Variants in FUT4 observed in about 807,000 individuals in gnomAD.
The protein encoded by FUT4 is fucosyltransferase 4.
Under a neutral mutation model 3.8 loss-of-function variants are expected in FUT4, and 1 was observed. The observed-to-expected ratio is 0.26, with a 90% CI of 0.09 to 1.25. The LOEUF is 1.25. FUT4 is among the 50% of genes most tolerant of loss of function. FUT4 has a pLI of 0.47. For missense variants in FUT4, 880 were observed against 768.2 expected, an observed-to-expected ratio of 1.15 and a Z score of -1.72; for synonymous variants, 417 against 355.3, an observed-to-expected ratio of 1.17 and a Z score of -1.95.
At position 94,547,831 on chromosome 11, in the gene FUT4, A is replaced by G. The variant is rs1057092649; in HGVS notation, c.*2105A>G. On this transcript the variant is annotated 3_prime_UTR_variant, in exon 1 of 1. Coordinates refer to ENST00000358752, the MANE Select transcript of FUT4 (RefSeq NM_002033.4). ...TAAATTAGTAGTAGTCCTGAGCCTC[A>G]GCGTCCTCATCTATAAAATGACTGG... The G allele has an allele frequency of 4.2e-5, 7 of 167,068 alleles. No homozygotes were observed. The highest frequency in any genetic ancestry group is 1.7e-4 in the African/African-American group (7 of 41,464). The allele number at this position is 167,068 out of a possible 1,614,324, so 10.3% of individuals were successfully genotyped here. A position where few individuals can be genotyped will look rare whatever the true frequency, so the allele number is the denominator to read the frequency against.
In FUT4 at chr11:94,544,360, C is replaced by T. The variant is rs779655995; in HGVS notation, c.227C>T (p.Pro76Leu). 21 of 1,546,348 alleles carry T rather than the reference C, an allele frequency of 1.4e-5. No homozygotes were observed. In the Admixed American group the frequency reaches 1.5e-4, roughly 11 times the overall value. The part of the protein sequence containing the change: ...HLGGAGQGPR[P>L]LHSGTAPFHS... Reference sequence around the variant, plus strand: ...GGAGGAGCAGGGCAGGGCCCGCGGCCTTTGCATTCTGGGACCGCCCCCTTC... The same window carrying T: ...GGAGGAGCAGGGCAGGGCCCGCGGCTTTTGCATTCTGGGACCGCCCCCTTC... The change falls in exon 1 of 1, where the codon CCT becomes CTT. Residue 76 changes from proline (P) to leucine (L), a missense_variant. Physicochemically the swap from Pro to Leu is moderately conservative, Grantham distance 98. Around this residue, in one of 3 missense-constraint regions of FUT4, gnomAD observed 447 missense variants for 339.5 expected, o/e 1.32. Transcript: ENST00000358752.
rs1565258752 is a variant in FUT4 at position 94,544,712 on chromosome 11, G to A, written c.579G>A (p.Leu193=). 6.4e-7 allele frequency: 1 copy of A among 1,561,848 alleles called. No individual in the cohort carries two copies. The highest frequency in any genetic ancestry group is 2.3e-5 in the East Asian group (1 of 42,974). ...CGTCGCGACCGGTGGGCGTGCTGCT[G>A]TGGTGGGAGCCCTTCGGGGGGCGCG... ...PTPSRPVGVL[L]WWEPFGGRDS... The change falls in exon 1 of 1, where the codon CTG becomes CTA. Residue 193 remains leucine (L), a synonymous_variant. Transcript: ENST00000358752.
Position 94,544,695 on chromosome 11 carries a change from C to T in FUT4, c.562C>T (p.Pro188Ser), listed in dbSNP as rs1200957431. The change falls in exon 1 of 1, where the codon CCG becomes TCG. Residue 188 changes from proline (P) to serine (S), a missense_variant. Coordinates refer to ENST00000358752, the MANE Select transcript of FUT4 (RefSeq NM_002033.4). Reference sequence around the variant, plus strand: ...CTGGGCGTCGCCAACCCCGTCGCGACCGGTGGGCGTGCTGCTGTGGTGGGA... The same window carrying T: ...CTGGGCGTCGCCAACCCCGTCGCGATCGGTGGGCGTGCTGCTGTGGTGGGA... The part of the protein sequence containing the change: ...LPWASPTPSR[P>S]VGVLLWWEPF... 3.2e-6 allele frequency: 5 copies of T among 1,542,344 alleles called. No homozygotes were observed. The highest frequency in any genetic ancestry group is 2.2e-4 in the Middle Eastern group (1 of 4,470).
In FUT4 at chr11:94,548,086, A is replaced by G. The variant is rs1947884714; in HGVS notation, c.*2360A>G. 6.0e-6 allele frequency: 1 copy of G among 166,930 alleles called. No homozygotes were observed. Among genetic ancestry groups the G allele is most frequent in the African/African-American group, 2.4e-5 (1 of 41,432 alleles). 10.3% of individuals were successfully genotyped at this position (166,930 alleles called of 1,614,324 possible). On this transcript the variant is annotated 3_prime_UTR_variant, in exon 1 of 1. Transcript: ENST00000358752. ...GATTAAGCTTGACTTGCAAACTAGG[A>G]AGAAGCACCTAGGCTTTCTTTGAAA...
Position 94,544,603 on chromosome 11 carries a change from C to A in FUT4, c.470C>A (p.Ala157Glu). 1 of 1,458,550 alleles carries A rather than the reference C, an allele frequency of 6.9e-7. No individual in the cohort carries two copies. Among genetic ancestry groups the A allele is most frequent in the Non-Finnish European group, 9.0e-7 (1 of 1,115,736 alleles). 90.4% of individuals were successfully genotyped at this position (1,458,550 alleles called of 1,614,324 possible). ...CTGCCATGGACCGTCTGTGTGCTGG[C>A]GGCCGCCGGCTTGACGTGTACGGCG... ...RGLPWTVCVLAAAGLTCTALI... is the reference protein window; with the variant it reads ...RGLPWTVCVLEAAGLTCTALI... The change falls in exon 1 of 1, where the codon GCG becomes GAG. Residue 157 changes from alanine to glutamate, a missense_variant. Coordinates refer to ENST00000358752, the MANE Select transcript of FUT4 (RefSeq NM_002033.4).
rs1235534514 is a variant in FUT4, at chr11:94,544,877, C to G, written c.744C>G (p.Asp248Glu). ...GCGACCTCGTGAAGGGGCCCCCCGA[C>G]TGGCCCCCGCCCTGGGGCATCCAGG... Reference protein sequence around the residue: ...HHRDLVKGPPDWPPPWGIQAH... With the variant: ...HHRDLVKGPPEWPPPWGIQAH... Residue 248 changes from aspartate (D) to glutamate (E), a missense_variant, in exon 1 of 1, where the codon GAC becomes GAG. Coordinates refer to ENST00000358752, the MANE Select transcript of FUT4 (RefSeq NM_002033.4). 6.2e-7 allele frequency: 1 copy of G among 1,609,128 alleles called. No homozygotes were observed. The highest frequency in any genetic ancestry group is 8.5e-7 in the Non-Finnish European group (1 of 1,179,416).
rs139950114 is a variant in FUT4 at position 94,546,203 on chromosome 11, C to T, written c.*477C>T. The T allele has an allele frequency of 1.2e-3, 397 of 324,170 alleles. 1 individual carries two copies. Among genetic ancestry groups the T allele is most frequent in the African/African-American group, 7.3e-3 (338 of 46,188 alleles). The allele number at this position is 324,170 out of a possible 1,614,324, so 20.1% of individuals were successfully genotyped here. ...GCCTTGTTGGTGGAGAGTGGAAGGA[C>T]TGTGGCTGCAGGTGGGACTTTGTTG... On this transcript the variant is annotated 3_prime_UTR_variant, in exon 1 of 1. Transcript: ENST00000358752.
Position 94,545,786 on chromosome 11 carries a change from A to C in FUT4, c.*60A>C, listed in dbSNP as rs751374579. ...CAAGTTGTCAGCTTTTTGATCCTCTACTGTGCATCTCCTTGACTGCCGCAT... is the reference window on the plus strand; with the variant it reads ...CAAGTTGTCAGCTTTTTGATCCTCTCCTGTGCATCTCCTTGACTGCCGCAT... On this transcript the variant is annotated 3_prime_UTR_variant, in exon 1 of 1. Coordinates refer to ENST00000358752, the MANE Select transcript of FUT4 (RefSeq NM_002033.4). 2 of 1,543,372 alleles carry C rather than the reference A, an allele frequency of 1.3e-6. No homozygotes were observed. Among genetic ancestry groups the C allele is most frequent in the Non-Finnish European group, 1.8e-6 (2 of 1,136,770 alleles).
rs142877244 is a variant in FUT4 at position 94,545,681 on chromosome 11, C to T, written c.1548C>T (p.Asp516=). Residue 516 remains aspartate (D), a synonymous_variant, in exon 1 of 1, where the codon GAC becomes GAT. Transcript: ENST00000358752. ...GCCAGGCTGTACAGAGGGCTGGGGA[C>T]CGGCCCAAGAGCATACGGAACTTGG... ...RVCQAVQRAG[D]RPKSIRNLAS... is the part of the protein sequence containing the mutation. The T allele has an allele frequency of 6.8e-6, 11 of 1,612,022 alleles. No individual in the cohort carries two copies. Among genetic ancestry groups the T allele is most frequent in the African/African-American group, 1.3e-5 (1 of 74,950 alleles).
Position 94,544,333 on chromosome 11 carries a change from T to C in FUT4, c.200T>C (p.Leu67Ser). Residue 67 changes from leucine (L) to serine (S), a missense_variant, in exon 1 of 1, where the codon TTG (leucine) becomes TCG (serine). Leu to Ser is a moderately radical substitution (Grantham distance 145). Around this residue, in one of 3 missense-constraint regions of FUT4, gnomAD observed 447 missense variants for 339.5 expected, o/e 1.32. Coordinates refer to ENST00000358752, the MANE Select transcript of FUT4 (RefSeq NM_002033.4). Reference sequence around the variant, plus strand: ...CTGGCGGCTCGCCCCGCCCGGCACTTGGGAGGAGCAGGGCAGGGCCCGCGG... The same window carrying C: ...CTGGCGGCTCGCCCCGCCCGGCACTCGGGAGGAGCAGGGCAGGGCCCGCGG... ...LALAARPARH[L>S]GGAGQGPRPL... The C allele has an allele frequency of 1.9e-6, 3 of 1,552,432 alleles. No homozygotes were observed. The highest frequency in any genetic ancestry group is 2.6e-6 in the Non-Finnish European group (3 of 1,156,004).
chr11:94,545,472 T>A lies in FUT4; in HGVS notation c.1339T>A (p.Tyr447Asn). The change falls in exon 1 of 1, where the codon TAC becomes AAC. Residue 447 changes from tyrosine (Y) to asparagine (N), a missense_variant. Around this residue, in one of 3 missense-constraint regions of FUT4, gnomAD observed 424 missense variants for 400.4 expected, o/e 1.06. Coordinates refer to ENST00000358752, the MANE Select transcript of FUT4 (RefSeq NM_002033.4). ...GGTGCTGGGCCCAGACCGTGCCAAC[T>A]ACGAGCGCTTTGTGCCCCGCGGCGC... ...PVVLGPDRANYERFVPRGAFI... is the reference protein window; with the variant it reads ...PVVLGPDRANNERFVPRGAFI... 1.2e-6 allele frequency: 2 copies of A among 1,613,542 alleles called. No homozygotes were observed. Among genetic ancestry groups the A allele is most frequent in the Non-Finnish European group, 1.7e-6 (2 of 1,179,904 alleles).
In FUT4 at chr11:94,545,795, C is replaced by T. The variant is rs923762479; in HGVS notation, c.*69C>T. 7 of 1,519,210 alleles carry T rather than the reference C, an allele frequency of 4.6e-6. No individual in the cohort carries two copies. The Admixed American group carries it at 9.7e-5, about 21-fold the overall frequency. 94.1% of individuals were successfully genotyped at this position (1,519,210 alleles called of 1,614,324 possible). A position where few individuals can be genotyped will look rare whatever the true frequency, so the allele number is the denominator to read the frequency against. On this transcript the variant is annotated 3_prime_UTR_variant, in exon 1 of 1. Transcript: ENST00000358752. ...AGCTTTTTGATCCTCTACTGTGCAT[C>T]TCCTTGACTGCCGCATCATGGGAGT...
chr11:94,544,675 C>G lies in FUT4; in HGVS notation c.542C>G (p.Ala181Gly). Reference sequence around the variant, plus strand: ...GGGCAGCTGCCGCCGCTGCCCTGGGCGTCGCCAACCCCGTCGCGACCGGTG... The same window carrying G: ...GGGCAGCTGCCGCCGCTGCCCTGGGGGTCGCCAACCCCGTCGCGACCGGTG... ...CWGQLPPLPWASPTPSRPVGV... is the reference protein window; with the variant it reads ...CWGQLPPLPWGSPTPSRPVGV... The change falls in exon 1 of 1, where the codon GCG (alanine) becomes GGG (glycine). Residue 181 changes from alanine (A) to glycine (G), a missense_variant. Ala to Gly is a moderately conservative substitution (Grantham distance 60). Coordinates refer to ENST00000358752, the MANE Select transcript of FUT4 (RefSeq NM_002033.4). The G allele has an allele frequency of 6.5e-7, 1 of 1,535,676 alleles. No homozygotes were observed. The highest frequency in any genetic ancestry group is 8.7e-7 in the Non-Finnish European group (1 of 1,155,864).
At position 94,544,351 on chromosome 11, in the gene FUT4, G is replaced by A; in HGVS notation, c.218G>A (p.Gly73Asp). 6.5e-7 allele frequency: 1 copy of A among 1,550,100 alleles called. No homozygotes were observed. Among genetic ancestry groups the A allele is most frequent in the Non-Finnish European group, 8.7e-7 (1 of 1,155,496 alleles). The change falls in exon 1 of 1, where the codon GGC becomes GAC. Residue 73 changes from glycine to aspartate, a missense_variant. Coordinates refer to ENST00000358752, the MANE Select transcript of FUT4 (RefSeq NM_002033.4). ...CGGCACTTGGGAGGAGCAGGGCAGG[G>A]CCCGCGGCCTTTGCATTCTGGGACC... is the stretch of plus-strand genomic sequence containing the variant. The part of the protein sequence containing the change: ...PARHLGGAGQ[G>D]PRPLHSGTAP...
At position 94,544,688 on chromosome 11, in the gene FUT4, G is replaced by C; in HGVS notation, c.555G>C (p.Pro185=). The C allele has an allele frequency of 9.7e-6, 15 of 1,543,580 alleles. No individual in the cohort carries two copies. The South Asian group carries it at 1.1e-4, about 11-fold the overall frequency. The part of the protein sequence containing the change: ...LPPLPWASPT[P]SRPVGVLLWW... ...CGCTGCCCTGGGCGTCGCCAACCCC[G>C]TCGCGACCGGTGGGCGTGCTGCTGT... The change falls in exon 1 of 1, where the codon CCG becomes CCC. Residue 185 remains proline, a synonymous_variant. Transcript: ENST00000358752.
Position 94,544,197 on chromosome 11 carries a change from G to C in FUT4, c.64G>C (p.Glu22Gln). The change falls in exon 1 of 1, where the codon GAG (glutamate) becomes CAG (glutamine). Residue 22 changes from glutamate (E) to glutamine (Q), a missense_variant. Coordinates refer to ENST00000358752, the MANE Select transcript of FUT4 (RefSeq NM_002033.4). Reference sequence around the variant, plus strand: ...CGCGGGCTGGGAGAAGGAGTGGGCGGAGGCGCCGCAGGAGGCTCCCGGGGC... The same window carrying C: ...CGCGGGCTGGGAGAAGGAGTGGGCGCAGGCGCCGCAGGAGGCTCCCGGGGC... Reference protein sequence around the residue: ...SGAGWEKEWAEAPQEAPGAWS... With the variant: ...SGAGWEKEWAQAPQEAPGAWS... 1 of 1,418,198 alleles carries C rather than the reference G, an allele frequency of 7.1e-7. No individual in the cohort carries two copies. The highest frequency in any genetic ancestry group is 1.6e-5 in the South Asian group (1 of 63,544). The allele number at this position is 1,418,198 out of a possible 1,614,324, so 87.9% of individuals were successfully genotyped here. A position where few individuals can be genotyped will look rare whatever the true frequency, so the allele number is the denominator to read the frequency against.
Position 94,543,934 on chromosome 11 carries a change from G to A in FUT4, c.-200G>A. 1.4e-6 allele frequency: 1 copy of A among 718,536 alleles called. No homozygotes were observed. The highest frequency in any genetic ancestry group is 1.9e-6 in the Non-Finnish European group (1 of 514,734). 44.5% of individuals were successfully genotyped at this position (718,536 alleles called of 1,614,324 possible). On this transcript the variant is annotated 5_prime_UTR_variant, in exon 1 of 1. Transcript: ENST00000358752. ...ACGCTATCCTCCGTTCCGCGGCGCC[G>A]GGTCCGCCTTCCGTCTGTTCTAGGG...
In FUT4 at chr11:94,547,516, A is replaced by G. The variant is rs1300883979; in HGVS notation, c.*1790A>G. ...CCTCTCTGTACATGTTTTTGCAGAC[A>G]TACTTGAAAAGCTCACTTAAATCTA... On this transcript the variant is annotated 3_prime_UTR_variant, in exon 1 of 1. Transcript: ENST00000358752. 2 of 166,946 alleles carry G rather than the reference A, an allele frequency of 1.2e-5. No homozygotes were observed. The highest frequency in any genetic ancestry group is 2.4e-5 in the African/African-American group (1 of 41,478). The allele number at this position is 166,946 out of a possible 1,614,324, so 10.3% of individuals were successfully genotyped here.
At position 94,544,188 on chromosome 11, in the gene FUT4, G is replaced by C; in HGVS notation, c.55G>C (p.Glu19Gln). 1 of 1,407,974 alleles carries C rather than the reference G, an allele frequency of 7.1e-7. No homozygotes were observed. The highest frequency in any genetic ancestry group is 9.2e-7 in the Non-Finnish European group (1 of 1,084,612). 87.2% of individuals were successfully genotyped at this position (1,407,974 alleles called of 1,614,324 possible). Residue 19 changes from glutamate to glutamine, a missense_variant, in exon 1 of 1, where the codon GAG (glutamate) becomes CAG (glutamine). Glu to Gln is a conservative substitution (Grantham distance 29). Around this residue, in one of 3 missense-constraint regions of FUT4, gnomAD observed 447 missense variants for 339.5 expected, o/e 1.32. Transcript: ENST00000358752. ...GCCCTCGGGCGCGGGCTGGGAGAAG[G>C]AGTGGGCGGAGGCGCCGCAGGAGGC... ...RKPSGAGWEK[E>Q]WAEAPQEAPG...
Sources: gnomAD v4.1 joint callset for allele counts on GRCh38, gnomAD v4.1.1 for gene constraint, gnomAD v4.1.1 regional missense constraint, MANE v1.5 for transcripts, NCBI Gene and HGNC (gene_info 2026-07-23, HGNC 2026-07-21) for gene names.